Variants in PACS1 observed in about 807,000 individuals in gnomAD.
PACS1 encodes the protein PACS-1.
In PACS1, 24 loss-of-function variants were observed where a neutral mutation model predicts 115.0. The ratio of observed to expected loss-of-function variants is 0.21; its 90% CI spans 0.15 to 0.29. The LOEUF (loss-of-function observed/expected upper bound fraction) is 0.29, where lower values mean the gene tolerates loss of function less well. Ranked by LOEUF, PACS1 falls within the 10% of genes least tolerant of loss-of-function variation. The probability of loss-of-function intolerance (pLI) is 1.00; values close to 1 mark genes in which losing one functional copy is unlikely to be tolerated. For missense variants in PACS1, 838 were observed against 1,251.2 expected (o/e 0.67, Z 4.98); for synonymous variants, 453 against 504.5 (o/e 0.90, Z 1.37).
intron 2 of PACS1, among the ~76,000 whole-genome samples, chr11:66,202,522 A>G (rs1428316404): frequency 6.6e-6 from 1 of 151,904 alleles, no homozygotes; most frequent in South Asian, 2.1e-4. Flanking sequence ...AGGATGGTTC[A>G]GCATACACAA....
chr11:66,212,811 C>T (rs1855106178), intron 4 of PACS1, among the ~76,000 whole-genome samples: 1 of 152,108 alleles, frequency 6.6e-6, no homozygotes, highest in Non-Finnish European at 1.5e-5. Context: ...CAGTGAATTT[C>T]TAATCCCACC....
rs1565160995 is a variant in PACS1, at chr11:66,241,509, G to C, written c.2512G>C (p.Gly838Arg). 1 of 1,614,090 alleles carries C rather than the reference G, an allele frequency of 6.2e-7. No individual in the cohort carries two copies. Residue 838 changes from glycine (G) to arginine (R), a missense_variant, in exon 22 of 24, where the codon GGC (glycine) becomes CGC (arginine). By Grantham distance (125) the Gly-to-Arg change is moderately radical. Coordinates refer to ENST00000320580, the MANE Select transcript of PACS1 (RefSeq NM_018026.4). ...CCACCCCGGGGAGCGGAGGAGGGAA[G>C]GCGACAAGAGGGACGCCAGCTCGAA... is the stretch of plus-strand genomic sequence containing the variant. Reference protein sequence around the residue: ...LGHPGERRREGDKRDASSKNT... With the variant: ...LGHPGERRRERDKRDASSKNT...
At chr11:66,161,243 A>G (rs771382620) in intron 1 of PACS1, among the ~76,000 whole-genome samples, 12 of 152,188 alleles carry the variant, frequency 7.9e-5, no homozygotes, top group Non-Finnish European at 1.2e-4. Context: ...GGGATAAACA[A>G]ACATACACAA....
At chr11:66,177,858 C>A (rs1012409518) in intron 1 of PACS1, among the ~76,000 whole-genome samples, 1 of 152,042 alleles carries the variant, frequency 6.6e-6, no homozygotes, top group Non-Finnish European at 1.5e-5. Flanking sequence ...GGGAACTTTG[C>A]GTATTTTGTA....
At chr11:66,168,374 C>T (rs958010054) in intron 1 of PACS1, among the ~76,000 whole-genome samples, 1 of 150,558 alleles carries the variant, frequency 6.6e-6, no homozygotes, top group East Asian at 1.9e-4. Flanking sequence ...CATTTGTATA[C>T]GTACAGTATA....
At chr11:66,227,788 C>T (rs1156867502) in intron 11 of PACS1, among the ~76,000 whole-genome samples, 4 of 152,196 alleles carry the variant, frequency 2.6e-5, no homozygotes, top group Admixed American at 2.6e-4. Flanking sequence ...TGCTCTCAAA[C>T]TTAGTATACC....
At chr11:66,216,798 G>A in intron 7 of PACS1, 23 bp downstream of exon 7, 1 of 1,593,890 alleles carries the variant, frequency 6.3e-7, no homozygotes, top group Non-Finnish European at 8.6e-7. Flanking sequence ...GGTCTGGGGA[G>A]TGGTTGGCTA....
Position 66,244,320 on chromosome 11 carries a change from T to G in PACS1, c.*1040T>G, listed in dbSNP as rs1242613623. The G allele has an allele frequency of 6.6e-6, 1 of 152,466 alleles. No homozygotes were observed. Among genetic ancestry groups the G allele is most frequent in the African/African-American group, 2.4e-5 (1 of 41,424 alleles). The allele number at this position is 152,466 out of a possible 1,614,324, so 9.4% of individuals were successfully genotyped here. A position where few individuals can be genotyped will look rare whatever the true frequency, so the allele number is the denominator to read the frequency against. ...TCTTCCCCCTCCTTAGGCCCCAGCC[T>G]GGGCCCAGACCCATCCTCCCAGCCA... On this transcript the variant is annotated 3_prime_UTR_variant, in exon 24 of 24. Transcript: ENST00000320580.
chr11:66,199,046 T>C (rs1688113438), intron 2 of PACS1, among the ~76,000 whole-genome samples: 1 of 152,218 alleles, frequency 6.6e-6, no homozygotes, highest in Admixed American at 6.5e-5. Flanking sequence ...CCGGGCGTGG[T>C]GGCTCACGCC....
chr11:66,227,495 T>A lies in PACS1; in HGVS notation c.1294-9T>A. ...GATCAGTGATAACTAATTCTTATAA[T>A]TTTTGCAGATGGAATTGGCTGCTCT... is the stretch of plus-strand genomic sequence containing the variant. On this transcript the variant is annotated splice_polypyrimidine_tract_variant and intron_variant, in intron 10 of 23. Coordinates refer to ENST00000320580, the MANE Select transcript of PACS1 (RefSeq NM_018026.4). 1.3e-6 allele frequency: 2 copies of A among 1,546,500 alleles called. No homozygotes were observed. The highest frequency in any genetic ancestry group is 1.8e-6 in the Non-Finnish European group (2 of 1,121,018).
At chr11:66,214,437 G>A (rs148335692) in intron 4 of PACS1, among the ~76,000 whole-genome samples, 1 of 151,990 alleles carries the variant, frequency 6.6e-6, no homozygotes, top group Non-Finnish European at 1.5e-5. Flanking sequence ...AAGTTTCTCT[G>A]TGAAGGACTT....
In PACS1 at chr11:66,086,177, GC is replaced by G. The variant is rs1857564547; in HGVS notation, c.356+15338del. On this transcript the variant is annotated intron_variant, in intron 1 of 23. Coordinates refer to ENST00000320580, the MANE Select transcript of PACS1 (RefSeq NM_018026.4). ...TTTTGAGACGGAGTCTCGCTCTGTC[GC>G]CCAGGCTGGAGTGCAGTGGCGCGAT... Among the ~76,000 whole-genome samples, 6 of 133,716 alleles carry G rather than the reference GC, an allele frequency of 4.5e-5. No homozygotes were observed. The South Asian group carries it at 1.4e-3, about 30-fold the overall frequency. 87.7% of individuals were successfully genotyped at this position (133,716 alleles called of 152,430 possible). A position where few individuals can be genotyped will look rare whatever the true frequency, so the allele number is the denominator to read the frequency against.
chr11:66,156,688 A>G (rs1859369816), intron 1 of PACS1, among the ~76,000 whole-genome samples: 1 of 152,032 alleles, frequency 6.6e-6, no homozygotes, highest in African/African-American at 2.4e-5. Context: ...CCCTGTTTCT[A>G]CTAAAGATAC....
chr11:66,227,535 C>G lies in PACS1; in HGVS notation c.1325C>G (p.Ser442Cys). 6.2e-7 allele frequency: 1 copy of G among 1,611,122 alleles called. No homozygotes were observed. The highest frequency in any genetic ancestry group is 8.5e-7 in the Non-Finnish European group (1 of 1,177,904). Residue 442 changes from serine to cysteine, a missense_variant, in exon 11 of 24, where the codon TCT becomes TGT. Coordinates refer to ENST00000320580, the MANE Select transcript of PACS1 (RefSeq NM_018026.4). ...MELAALEKIK[S>C]TWIKNQDDSL... ...TTGGCTGCTCTAGAAAAAATTAAAT[C>G]TACTTGGATTAAAAACCAAGATGAC...
At chr11:66,143,302 C>G (rs1231956422) in intron 1 of PACS1, among the ~76,000 whole-genome samples, 1 of 152,162 alleles carries the variant, frequency 6.6e-6, no homozygotes, top group Non-Finnish European at 1.5e-5. Flanking sequence ...GTAGCATCTC[C>G]CCTTCCCCAG....
intron 1 of PACS1, among the ~76,000 whole-genome samples, chr11:66,119,797 C>T (rs1488013718): frequency 1.3e-5 from 2 of 152,202 alleles, no homozygotes; most frequent in African/African-American, 4.8e-5. Flanking sequence ...GGATCCACTC[C>T]TGGTGTGCTG....
chr11:66,195,677 A>T (rs990271407), intron 2 of PACS1, among the ~76,000 whole-genome samples: 1 of 152,238 alleles, frequency 6.6e-6, no homozygotes, highest in African/African-American at 2.4e-5. Flanking sequence ...GAAAGTAATT[A>T]CAGATGTCAC....
chr11:66,097,160 T>C (rs1414495274), intron 1 of PACS1, among the ~76,000 whole-genome samples: 1 of 152,178 alleles, frequency 6.6e-6, no homozygotes, highest in Non-Finnish European at 1.5e-5. Flanking sequence ...GTGGCCCCCA[T>C]GATAAATACC....
At chr11:66,240,743 C>G (rs1262604485) in intron 21 of PACS1, among the ~76,000 whole-genome samples, 1 of 143,056 alleles carries the variant, frequency 7.0e-6, no homozygotes, top group Non-Finnish European at 1.5e-5. Flanking sequence ...AGCCTTGGCA[C>G]CAACCCTTTC....
Sources: allele counts gnomAD v4.1 joint callset (sites outside exome capture counted in the v4.1 genomes callset), GRCh38; gene constraint gnomAD v4.1.1; transcripts MANE v1.5; gene names NCBI Gene and HGNC (gene_info 2026-07-23, HGNC 2026-07-21).